The following TMPRSS9 variants were observed in gnomAD, a reference collection of about 807,000 sequenced individuals.
The protein encoded by TMPRSS9 is transmembrane protease serine 9.
In TMPRSS9, 113 loss-of-function variants were observed where a neutral mutation model predicts 111.4. The observed-to-expected ratio is 1.01, with a 90% CI of 0.87 to 1.19. The LOEUF is 1.19. TMPRSS9 is among the 50% of genes most tolerant of loss of function. The probability of loss-of-function intolerance (pLI) is 0.00; values close to 1 mark genes in which losing one functional copy is unlikely to be tolerated. For missense variants in TMPRSS9, 1,803 were observed against 1,513.1 expected, an observed-to-expected ratio of 1.19 and a Z score of -3.18; for synonymous variants, 805 against 659.1, an observed-to-expected ratio of 1.22 and a Z score of -3.39.
chr19:2,418,254 C>CCTGTTT lies in TMPRSS9; in HGVS notation c.2154+118_2154+119insGTTTCT, dbSNP rs1555680633. Reference sequence around the variant, plus strand: ...TTTTCCTTTCTTTCCTTCCCCCCCTCCTTCCCTCCTTGTCCTTCCCTCCTT... The same window carrying CCTGTTT: ...TTTTCCTTTCTTTCCTTCCCCCCCTCCTGTTTCTTCCCTCCTTGTCCTTCCCTCCTT... On this transcript the variant is annotated intron_variant, in intron 13 of 17. Transcript: ENST00000648592. 4.0e-5 allele frequency: 41 copies of CCTGTTT among 1,024,092 alleles called. 6 individuals are homozygous for CCTGTTT. The African/African-American group carries it at 4.3e-4, about 11-fold the overall frequency. 63.4% of individuals were successfully genotyped at this position (1,024,092 alleles called of 1,614,324 possible). A position where few individuals can be genotyped will look rare whatever the true frequency, so the allele number is the denominator to read the frequency against.
chr19:2,398,942 G>C, intron 3 of TMPRSS9, 76 bp from the exon 5 acceptor site: 1 of 1,540,010 alleles, frequency 6.5e-7, no homozygotes, highest in South Asian at 1.2e-5. Context: ...AAGTTTGGAA[G>C]ATTCTAGAAG....
In TMPRSS9 at chr19:2,425,371, C is replaced by T. The variant is rs760878018; in HGVS notation, c.2998C>T (p.Gln1000Ter). The T allele has an allele frequency of 1.3e-6, 2 of 1,528,486 alleles. No homozygotes were observed. Among genetic ancestry groups the T allele is most frequent in the Non-Finnish European group, 1.7e-6 (2 of 1,146,940 alleles). The allele number at this position is 1,528,486 out of a possible 1,614,324, so 94.7% of individuals were successfully genotyped here. ...CCCGCCCGCAGGCTCCATGGCGCGG[C>T]AGCTGCAGAAGGCGGCCGTGCGCCT... Residue 1000 changes from glutamine (Q) to a stop codon, truncating the protein, a stop_gained, in exon 17 of 18, where the codon CAG becomes TAG. Coordinates refer to ENST00000648592, the Ensembl canonical transcript of TMPRSS9. LOFTEE classifies it high-confidence loss of function.
chr19:2,402,508 G>C (rs1042122788), intron 5 of TMPRSS9, among the ~76,000 whole-genome samples: 2 of 152,062 alleles, frequency 1.3e-5, no homozygotes, highest in African/African-American at 4.8e-5. Flanking sequence ...GGGAGGCCGA[G>C]GTGGGTGGAT....
At chr19:2,418,252 C>A in intron 13 of TMPRSS9, 114 bp downstream of exon 14, 1 of 1,086,278 alleles carries the variant, frequency 9.2e-7, no homozygotes, top group Non-Finnish European at 1.3e-6. Flanking sequence ...CCTTCCCCCC[C>A]TCCTTCCCTC....
chr19:2,399,020 A>C, exon 4 of TMPRSS9: 1 of 1,610,540 alleles, frequency 6.2e-7, no homozygotes, highest in Non-Finnish European at 8.5e-7. Flanking sequence ...ACCTGTAGGG[A>C]TGGGAACTCC....
chr19:2,369,051 A>G (rs568290621), intron 1 of TMPRSS9, among the ~76,000 whole-genome samples: 1 of 151,072 alleles, frequency 6.6e-6, no homozygotes, highest in Non-Finnish European at 1.5e-5. Context: ...TCCCGGGTTC[A>G]AGTGATTCTC....
At chr19:2,360,854 A>G (rs1970189615) in intron 1 of TMPRSS9, among the ~76,000 whole-genome samples, 1 of 145,358 alleles carries the variant, frequency 6.9e-6, no homozygotes, top group African/African-American at 2.6e-5. Flanking sequence ...GATGTGGCTG[A>G]GATTTCTAGA....
intron 1 of TMPRSS9, among the ~76,000 whole-genome samples, chr19:2,367,175 G>A (rs183039077): frequency 1.2e-4 from 18 of 152,166 alleles, no homozygotes; most frequent in African/African-American, 1.9e-4. Context: ...ACACACACTC[G>A]GAGAGGGAAA....
At chr19:2,401,616 C>CT (rs933613868) in intron 4 of TMPRSS9, among the ~76,000 whole-genome samples, 28 of 150,930 alleles carry the variant, frequency 1.9e-4, no homozygotes, top group Admixed American at 9.3e-4. Flanking sequence ...TTTCTTTTTT[C>CT]TTTTTTTTTG....
At chr19:2,379,650 T>TTTCTTTCTTTCTTTCC (rs1970369051) in intron 1 of TMPRSS9, among the ~76,000 whole-genome samples, 1 of 149,706 alleles carries the variant, frequency 6.7e-6, no homozygotes, top group African/African-American at 2.5e-5. Context: ...TCTTTCTTTC[T>TTTCTTTCTTTCTTTCC]TTCTTTCTTT....
exon 17 of TMPRSS9, chr19:2,425,374 CTGCAGAAGG>C (rs1370253401): frequency 6.5e-7 from 1 of 1,533,120 alleles, no homozygotes; most frequent in Non-Finnish European, 8.7e-7. Flanking sequence ...GGCGCGGCAG[CTGCAGAAGG>C]CGGCCGTGCG....
At chr19:2,371,756 GC>G (rs937406145) in intron 1 of TMPRSS9, among the ~76,000 whole-genome samples, 32 of 151,822 alleles carry the variant, frequency 2.1e-4, no homozygotes, top group Non-Finnish European at 3.5e-4. Context: ...GCAAACCAGG[GC>G]CAGGACAACT....
intron 1 of TMPRSS9, among the ~76,000 whole-genome samples, chr19:2,390,231 G>GTTT (rs1198106187): frequency 0.014 from 1,507 of 110,410 alleles, 157 homozygotes; most frequent in African/African-American, 0.024. Context: ...ACCCAAAGTA[G>GTTT]TTTTTTTTTT....
chr19:2,424,172 C>A, exon 15 of TMPRSS9: 1 of 1,468,230 alleles, frequency 6.8e-7, no homozygotes, highest in South Asian at 1.4e-5. Flanking sequence ...GCAGGTGAGC[C>A]TGTGGCTGCG....
At chr19:2,415,834 T>G (rs1971219586) in exon 11 of TMPRSS9, 2 of 1,588,258 alleles carry the variant, frequency 1.3e-6, no homozygotes, top group Non-Finnish European at 1.7e-6. Context: ...CGCCCACTGC[T>G]TCAACCAGTA....
At chr19:2,408,115 C>G (rs556773366) in intron 7 of TMPRSS9, among the ~76,000 whole-genome samples, 5 of 144,932 alleles carry the variant, frequency 3.4e-5, no homozygotes, top group African/African-American at 1.3e-4. Context: ...GACTGTGTTT[C>G]GCTATGTTGC....
At position 2,410,364 on chromosome 19, in the gene TMPRSS9, C is replaced by A. The variant is rs749189117; in HGVS notation, c.1224C>A (p.Gly408=). ...TCACTGACAGGATGGTGTGCGCTGGCTACCTGGACGGGAAGGTGGACTCCT... is the reference window on the plus strand; with the variant it reads ...TCACTGACAGGATGGTGTGCGCTGGATACCTGGACGGGAAGGTGGACTCCT... Residue 408 remains glycine, a synonymous_variant, in exon 9 of 18, where the codon GGC becomes GGA. Transcript: ENST00000648592. The A allele has an allele frequency of 1.7e-5, 28 of 1,613,932 alleles. 1 individual carries two copies. The Middle Eastern group carries it at 9.9e-4, about 57-fold the overall frequency.
At position 2,426,028 on chromosome 19, in the gene TMPRSS9, AG is replaced by A. The variant is rs747279532; in HGVS notation, c.3224del (p.Gly1075ValfsTer9). On this transcript the variant is annotated frameshift_variant, in exon 18 of 18. Transcript: ENST00000648592. LOFTEE classifies it high-confidence loss of function. ...ATGGCTGTGGCCGGCCCCACTTCCC[AG>A]GTGTCTATACCCGGGTGGCAGCTGT... 6 of 1,608,538 alleles carry A rather than the reference AG, an allele frequency of 3.7e-6. No individual in the cohort carries two copies.
chr19:2,421,375 G>C (rs1402043158), intron 13 of TMPRSS9, among the ~76,000 whole-genome samples: 1 of 151,048 alleles, frequency 6.6e-6, no homozygotes, highest in African/African-American at 2.4e-5. Context: ...TGCAAGCTCC[G>C]CCTCCCGGGT....
Sources: allele counts gnomAD v4.1 joint callset (sites outside exome capture counted in the v4.1 genomes callset), GRCh38; gene constraint gnomAD v4.1.1; transcripts MANE v1.5; gene names NCBI Gene and HGNC (gene_info 2026-07-23, HGNC 2026-07-21).